MAP2: variants seen among roughly 807,000 people sequenced by gnomAD.
The protein encoded by MAP2 is microtubule associated protein 2.
A neutral mutation model predicts 137.6 loss-of-function variants in MAP2; 14 were observed. That is an observed-to-expected ratio of 0.10 (90% CI 0.07 to 0.16). MAP2 has a LOEUF of 0.16. Among genes scored for constraint, MAP2 ranks in the 10% least tolerant of loss-of-function variants. The pLI is 1.00. For missense variants in MAP2, 2,088 were observed against 2,191.5 expected, an observed-to-expected ratio of 0.95 and a Z score of 0.94; for synonymous variants, 786 against 782.3, an observed-to-expected ratio of 1.00 and a Z score of -0.08.
chr2:209,461,966 G>A (rs1300771398), intron 1 of MAP2, among the ~76,000 whole-genome samples: 1 of 151,804 alleles, frequency 6.6e-6, no homozygotes, highest in East Asian at 1.9e-4. Flanking sequence ...AACCTTCCCT[G>A]GCCTTTACTC....
At chr2:209,424,984 G>T (rs1248972149) in intron 1 of MAP2, among the ~76,000 whole-genome samples, 2 of 151,920 alleles carry the variant, frequency 1.3e-5, no homozygotes, top group South Asian at 2.1e-4. Context: ...TTTTTGGTGG[G>T]GAGAGGAGGA....
intron 2 of MAP2, among the ~76,000 whole-genome samples, chr2:209,538,575 A>G (rs973675617): frequency 3.5e-5 from 5 of 144,336 alleles, no homozygotes; most frequent in Non-Finnish European, 7.5e-5. Flanking sequence ...GACTCTGGGT[A>G]TAAATAGAAC....
chr2:209,704,563 ACAGCCCAC>A, intron 11 of MAP2: 1 of 1,612,378 alleles, frequency 6.2e-7, no homozygotes, highest in South Asian at 1.1e-5. Flanking sequence ...GTTTATTAAT[ACAGCCCAC>A]CTCAGCAGGC....
intron 11 of MAP2, 45 bp from the exon 12 acceptor site, chr2:209,705,535 A>G (rs775884641): frequency 2.6e-6 from 4 of 1,511,544 alleles, no homozygotes; most frequent in Middle Eastern, 1.8e-4. Context: ...CGTATAAATT[A>G]AAGAGTTACA....
chr2:209,633,056 A>C (rs927533790), intron 4 of MAP2, among the ~76,000 whole-genome samples: 4 of 152,126 alleles, frequency 2.6e-5, no homozygotes, highest in Non-Finnish European at 4.4e-5. Flanking sequence ...TTTCTGGACA[A>C]TCTCCAGTCT....
At chr2:209,498,484 C>T (rs1307351043) in intron 1 of MAP2, among the ~76,000 whole-genome samples, 7 of 152,200 alleles carry the variant, frequency 4.6e-5, no homozygotes, top group African/African-American at 9.6e-5. Context: ...CCAGTGGAGA[C>T]CAGATGTGAG....
intron 1 of MAP2, among the ~76,000 whole-genome samples, chr2:209,438,229 C>T (rs964535974): frequency 1.3e-5 from 2 of 151,474 alleles, no homozygotes; most frequent in East Asian, 3.9e-4. Flanking sequence ...ATATCAGATA[C>T]TTATGGAAAC....
chr2:209,705,974 A>G (rs2063278018), intron 12 of MAP2, among the ~76,000 whole-genome samples: 1 of 152,160 alleles, frequency 6.6e-6, no homozygotes, highest in Non-Finnish European at 1.5e-5. Flanking sequence ...TTATTTCTCT[A>G]AGAATATATT....
intron 1 of MAP2, among the ~76,000 whole-genome samples, chr2:209,482,284 G>A (rs1032071778): frequency 6.6e-6 from 1 of 152,080 alleles, no homozygotes; most frequent in Non-Finnish European, 1.5e-5. Flanking sequence ...ATATAGACAT[G>A]AAAAAATGTT....
At chr2:209,656,701 T>C (rs1252727456) in intron 5 of MAP2, among the ~76,000 whole-genome samples, 1 of 152,032 alleles carries the variant, frequency 6.6e-6, no homozygotes, top group Non-Finnish European at 1.5e-5. Context: ...CTATTAAGCA[T>C]CTAGCCACTT....
chr2:209,700,722 C>T (rs2061537393), intron 11 of MAP2, among the ~76,000 whole-genome samples: 1 of 151,940 alleles, frequency 6.6e-6, no homozygotes, highest in Admixed American at 6.6e-5. Context: ...AGAAATATGA[C>T]CAAATGAAGC....
intron 13 of MAP2, among the ~76,000 whole-genome samples, chr2:209,715,181 T>C (rs1035781433): frequency 2.6e-5 from 4 of 152,130 alleles, no homozygotes; most frequent in African/African-American, 7.2e-5. Context: ...AGTTATTTTT[T>C]AAATAATTCT....
At chr2:209,562,145 A>G (rs2153349933) in intron 2 of MAP2, among the ~76,000 whole-genome samples, 2 of 152,282 alleles carry the variant, frequency 1.3e-5, no homozygotes, top group Middle Eastern at 6.8e-3. Context: ...AAATAAATAT[A>G]AAATAATTTT....
chr2:209,608,130 T>C (rs2085444789), intron 3 of MAP2, among the ~76,000 whole-genome samples: 1 of 152,212 alleles, frequency 6.6e-6, no homozygotes. Context: ...AAAACTTGAT[T>C]TCACTCTTGA....
rs755241794 is a variant in MAP2 at position 209,680,751 on chromosome 2, A to G, written c.378A>G (p.Ala126=). ...HKDQTAALPL[A]AEETANLPPS... ...ATTTTTCTATTGTTTGATCTTTAGC[A>G]GCTGAAGAAACAGCTAATCTGCCTC... is the stretch of plus-strand genomic sequence containing the variant. The change falls in exon 7 of 16, where the codon GCA becomes GCG. Residue 126 remains alanine, a splice_region_variant and synonymous_variant. Coordinates refer to ENST00000682079, the MANE Select transcript of MAP2 (RefSeq NM_001375505.1). 6.2e-7 allele frequency: 1 copy of G among 1,613,080 alleles called. No homozygotes were observed. Among genetic ancestry groups the G allele is most frequent in the Non-Finnish European group, 8.5e-7 (1 of 1,179,156 alleles).
chr2:209,489,864 A>G (rs1478539921), intron 1 of MAP2, among the ~76,000 whole-genome samples: 2 of 152,238 alleles, frequency 1.3e-5, no homozygotes, highest in African/African-American at 2.4e-5. Context: ...GATGGAAAAC[A>G]CACTTCAGTA....
intron 2 of MAP2, among the ~76,000 whole-genome samples, chr2:209,512,430 T>C (rs1054474309): frequency 1.3e-5 from 2 of 151,920 alleles, no homozygotes; most frequent in African/African-American, 4.8e-5. Flanking sequence ...AAAGTCTTTT[T>C]TTCTAGATTT....
intron 13 of MAP2, chr2:209,710,519 ATG>A (rs2065075921): frequency 2.4e-6 from 1 of 411,938 alleles, no homozygotes; most frequent in East Asian, 4.5e-5. Context: ...TTTTTTCTGA[ATG>A]TATCTCTATT....
At chr2:209,480,800 G>A (rs1425388614) in intron 1 of MAP2, among the ~76,000 whole-genome samples, 1 of 152,156 alleles carries the variant, frequency 6.6e-6, no homozygotes, top group African/African-American at 2.4e-5. Context: ...GTATAGGGAT[G>A]GCAGGAACCA....
Sources: gnomAD v4.1 joint callset for allele counts (sites outside exome capture counted in the v4.1 genomes callset) on GRCh38, gnomAD v4.1.1 for gene constraint, MANE v1.5 for transcripts, NCBI Gene and HGNC (gene_info 2026-07-23, HGNC 2026-07-21) for gene names.